The following PTPRK variants were observed in gnomAD, a reference collection of about 807,000 sequenced individuals.
PTPRK encodes receptor-type tyrosine-protein phosphatase kappa.
In PTPRK, 75 loss-of-function variants were observed where a neutral mutation model predicts 178.0. The observed-to-expected ratio is 0.42, with a 90% CI of 0.35 to 0.51. The LOEUF is 0.51. Among genes scored for constraint, PTPRK ranks in the 20% least tolerant of loss-of-function variants. PTPRK has a pLI of 0.02. For missense variants in PTPRK, 1,441 were observed against 1,797.8 expected, an observed-to-expected ratio of 0.80 and a Z score of 3.59; for synonymous variants, 637 against 620.6, an observed-to-expected ratio of 1.03 and a Z score of -0.39.
intron 3 of PTPRK, among the ~76,000 whole-genome samples, chr6:128,263,572 A>G (rs1818494209): frequency 6.6e-6 from 1 of 152,226 alleles, no homozygotes; most frequent in Non-Finnish European, 1.5e-5. Flanking sequence ...GAGCACAGGT[A>G]ATAACAAAAT....
At chr6:128,264,492 AT>A (rs1562158314) in intron 3 of PTPRK, among the ~76,000 whole-genome samples, 2 of 151,874 alleles carry the variant, frequency 1.3e-5, no homozygotes, top group East Asian at 3.9e-4. Context: ...TAATTTTATT[AT>A]TTTTTTAGAG....
intron 4 of PTPRK, among the ~76,000 whole-genome samples, chr6:128,242,103 C>A (rs967299625): frequency 6.6e-6 from 1 of 151,998 alleles, no homozygotes; most frequent in African/African-American, 2.4e-5. Context: ...CTAATTATTT[C>A]TCTTCATTTC....
intron 7 of PTPRK, among the ~76,000 whole-genome samples, chr6:128,094,983 G>C (rs1292888528): frequency 1.3e-5 from 2 of 151,890 alleles, no homozygotes; most frequent in African/African-American, 2.4e-5. Flanking sequence ...AGCATGACAG[G>C]GGGCAGGTGA....
intron 7 of PTPRK, among the ~76,000 whole-genome samples, chr6:128,145,906 C>G (rs571996118): frequency 2.6e-5 from 4 of 152,188 alleles, no homozygotes; most frequent in Non-Finnish European, 5.9e-5. Flanking sequence ...CCCATTACTT[C>G]ATGTTCCCAG....
At chr6:128,500,967 C>T (rs1855478515) in intron 1 of PTPRK, 1 of 152,388 alleles carries the variant, frequency 6.6e-6, no homozygotes, top group Admixed American at 6.5e-5. Context: ...ACCTCCACCT[C>T]CTGGGCTCAA....
intron 1 of PTPRK, among the ~76,000 whole-genome samples, chr6:128,414,032 A>C (rs1842582818): frequency 6.6e-6 from 1 of 152,212 alleles, no homozygotes; most frequent in Non-Finnish European, 1.5e-5. Flanking sequence ...GAGAAAAATA[A>C]AAGTAGATTC....
In PTPRK at chr6:128,018,292, G is replaced by T. The variant is rs1174416162; in HGVS notation, c.2195-9024C>A. On this transcript the variant is annotated intron_variant, in intron 13 of 29. Coordinates refer to ENST00000368226, the MANE Select transcript of PTPRK (RefSeq NM_002844.4). ...GTCAAGGTATGCTACTTATATAAGA[G>T]CATTTATCAACTATAATATACTGCT... Among the ~76,000 whole-genome samples the T allele has an allele frequency of 5.9e-5, 9 of 151,920 alleles. No homozygotes were observed. In the East Asian group the frequency reaches 1.7e-3, roughly 29 times the overall value.
chr6:128,246,615 C>G (rs755480963), intron 3 of PTPRK, among the ~76,000 whole-genome samples: 3 of 152,218 alleles, frequency 2.0e-5, no homozygotes, highest in Admixed American at 6.5e-5. Flanking sequence ...TCTGTCCTGT[C>G]AGGGAAAACA....
chr6:128,306,640 T>A (rs1826424365), intron 3 of PTPRK, among the ~76,000 whole-genome samples: 3 of 151,190 alleles, frequency 2.0e-5, no homozygotes, highest in Admixed American at 6.6e-5. Flanking sequence ...AAAAAAAAAA[T>A]TTAAAAATTA....
chr6:127,999,449 CT>C (rs1181705906), intron 15 of PTPRK, among the ~76,000 whole-genome samples: 2 of 152,018 alleles, frequency 1.3e-5, no homozygotes, highest in East Asian at 1.9e-4. Flanking sequence ...TGATCACCCC[CT>C]GATGCCACTC....
intron 1 of PTPRK, among the ~76,000 whole-genome samples, chr6:128,407,693 T>G (rs2128376545): frequency 6.8e-6 from 1 of 146,546 alleles, no homozygotes; most frequent in South Asian, 2.2e-4. Context: ...AATGATTCAC[T>G]AAAGTATTAT....
At chr6:128,378,529 T>A (rs1394849584) in intron 2 of PTPRK, among the ~76,000 whole-genome samples, 3 of 152,080 alleles carry the variant, frequency 2.0e-5, no homozygotes, top group South Asian at 2.1e-4. Flanking sequence ...TTCATTCATA[T>A]ACATGTACAA....
chr6:128,388,352 T>C (rs964720300), intron 2 of PTPRK, among the ~76,000 whole-genome samples: 1 of 152,166 alleles, frequency 6.6e-6, no homozygotes, highest in Non-Finnish European at 1.5e-5. Context: ...ACCTACTGAA[T>C]GGAGAGGCAA....
chr6:128,142,267 AT>A (rs938440478), intron 7 of PTPRK, among the ~76,000 whole-genome samples: 1 of 152,078 alleles, frequency 6.6e-6, no homozygotes, highest in African/African-American at 2.4e-5. Context: ...AAATTTATTC[AT>A]TTTTACTTAA....
chr6:128,080,225 A>G (rs1447335889), intron 10 of PTPRK, among the ~76,000 whole-genome samples: 1 of 152,070 alleles, frequency 6.6e-6, no homozygotes, highest in Non-Finnish European at 1.5e-5. Flanking sequence ...TTTAACAGCT[A>G]TAAGCCGTTG....
At chr6:128,462,634 T>TTTAC (rs1208794401) in intron 1 of PTPRK, among the ~76,000 whole-genome samples, 6 of 127,174 alleles carry the variant, frequency 4.7e-5, no homozygotes, top group Non-Finnish European at 9.2e-5. Flanking sequence ...ATTTTATTTA[T>TTTAC]TTATTTATTT....
chr6:128,245,736 G>A, intron 3 of PTPRK, among the ~76,000 whole-genome samples: 1 of 152,122 alleles, frequency 6.6e-6, no homozygotes. Flanking sequence ...TGTATTTGGT[G>A]GGAACATAAT....
intron 11 of PTPRK, among the ~76,000 whole-genome samples, chr6:128,076,658 G>C (rs1295601049): frequency 6.6e-6 from 1 of 151,960 alleles, no homozygotes; most frequent in African/African-American, 2.4e-5. Context: ...TCAGCCTCTG[G>C]CTCAATTCTA....
intron 6 of PTPRK, among the ~76,000 whole-genome samples, chr6:128,199,464 G>A (rs915935673): frequency 2.0e-5 from 3 of 152,120 alleles, no homozygotes; most frequent in African/African-American, 4.8e-5. Flanking sequence ...AGAATGGAAT[G>A]AGGTAGCACT....
Sources: allele counts gnomAD v4.1 joint callset (sites outside exome capture counted in the v4.1 genomes callset), GRCh38; gene constraint gnomAD v4.1.1; transcripts MANE v1.5; gene names NCBI Gene and HGNC (gene_info 2026-07-23, HGNC 2026-07-21).